SSC4D: variants seen among roughly 807,000 people sequenced by gnomAD.
SSC4D encodes scavenger receptor cysteine-rich domain-containing group B protein.
In SSC4D, 57 loss-of-function variants were observed where a neutral mutation model predicts 63.4. The observed-to-expected ratio is 0.90, with a 90% CI of 0.73 to 1.12. The LOEUF (loss-of-function observed/expected upper bound fraction) is 1.12. Ranked by LOEUF, SSC4D falls within the 50% of genes most tolerant of loss-of-function variation. The pLI is 0.00. For missense variants in SSC4D, 791 were observed against 806.4 expected (o/e 0.98, Z 0.23); for synonymous variants, 352 against 345.4 (o/e 1.02, Z -0.21).
chr7:76,394,471 C>T (rs1275009235), intron 7 of SSC4D, among the ~76,000 whole-genome samples: 2 of 151,100 alleles, frequency 1.3e-5, no homozygotes, highest in South Asian at 4.2e-4. Context: ...GGTGCAGTGG[C>T]GCAATCTCAG....
chr7:76,397,440 C>T (rs1326592143), intron 6 of SSC4D, 78 bp downstream of exon 6: 1 of 1,425,912 alleles, frequency 7.0e-7, no homozygotes, highest in African/African-American at 1.5e-5. Context: ...ACCTCCCCAC[C>T]GAAGCCTCCT....
chr7:76,406,753 T>C (rs1226190412), intron 1 of SSC4D, among the ~76,000 whole-genome samples: 2 of 151,832 alleles, frequency 1.3e-5, no homozygotes, highest in African/African-American at 4.8e-5. Flanking sequence ...TCTTGCACTT[T>C]TTTTGTTTTT....
rs749525908 is a variant in SSC4D at position 76,390,340 on chromosome 7, C to G, written c.1447G>C (p.Glu483Gln). 1.2e-6 allele frequency: 2 copies of G among 1,605,594 alleles called. No individual in the cohort carries two copies. The highest frequency in any genetic ancestry group is 1.7e-6 in the Non-Finnish European group (2 of 1,175,186). The change falls in exon 11 of 11, where the codon GAG becomes CAG. Residue 483 changes from glutamate to glutamine, a missense_variant. Glu to Gln is a conservative substitution (Grantham distance 29). Coordinates refer to ENST00000275560, the MANE Select transcript of SSC4D (RefSeq NM_080744.2). ...CCTAGGTAGAGCTCTACACGTCCCT[C>G]GCATCGGTGGGCTCCATTGACCAGA... ...LRLVNGAHRCEGRVELYLGQR... is the reference protein window; with the variant it reads ...LRLVNGAHRCQGRVELYLGQR...
chr7:76,389,477 A>T lies in SSC4D; in HGVS notation c.*582T>A, dbSNP rs191180610. The stretch of plus-strand genomic sequence containing the variant: ...AGAGATGCTGGTTCCAGCTGCAGGG[A>T]GGGGCCACTGTCCCTGCTTTGGCCC... On this transcript the variant is annotated 3_prime_UTR_variant, in exon 11 of 11. Transcript: ENST00000275560. 1 of 153,090 alleles carries T rather than the reference A, an allele frequency of 6.5e-6. No individual in the cohort carries two copies. The highest frequency in any genetic ancestry group is 1.9e-4 in the East Asian group (1 of 5,166). The allele number at this position is 153,090 out of a possible 1,614,324, so 9.5% of individuals were successfully genotyped here.
chr7:76,390,574 T>C (rs1804474513), intron 10 of SSC4D, among the ~76,000 whole-genome samples, 199 bp from the exon 11 acceptor site: 1 of 152,174 alleles, frequency 6.6e-6, no homozygotes, highest in African/African-American at 2.4e-5. Flanking sequence ...TTCCAGCACT[T>C]TGGGAGGCCG....
In SSC4D at chr7:76,400,377, G is replaced by A. The variant is rs768861095; in HGVS notation, c.384C>T (p.Arg128=). The A allele has an allele frequency of 2.1e-5, 33 of 1,591,146 alleles. No individual in the cohort carries two copies. The highest frequency in any genetic ancestry group is 1.2e-4 in the South Asian group (11 of 89,934). ...GPILLDNVEC[R]GQEAALSECG... ...ACTCGCTCAGCGCAGCTTCCTGCCC[G>A]CGGCACTCCACGTTGTCCAGCAGGA... is the stretch of plus-strand genomic sequence containing the variant. The change falls in exon 4 of 11, where the codon CGC becomes CGT. Residue 128 remains arginine (R), a synonymous_variant. Transcript: ENST00000275560.
At chr7:76,401,537 C>T (rs1804829236) in intron 2 of SSC4D, among the ~76,000 whole-genome samples, 2 of 152,170 alleles carry the variant, frequency 1.3e-5, no homozygotes, top group African/African-American at 2.4e-5. Context: ...CTGCCTCAGC[C>T]TCCCGAGTAG....
At chr7:76,402,175 C>A (rs1804853128) in intron 2 of SSC4D, among the ~76,000 whole-genome samples, 2 of 146,238 alleles carry the variant, frequency 1.4e-5, no homozygotes, top group South Asian at 4.5e-4. Flanking sequence ...TGCCACCCTG[C>A]CCAGCTATTT....
intron 5 of SSC4D, 59 bp from the exon 6 acceptor site, chr7:76,397,891 C>A: frequency 2.8e-6 from 4 of 1,441,900 alleles, no homozygotes; most frequent in Non-Finnish European, 3.7e-6. Context: ...CCCGTCCGCA[C>A]CGCAAGGGCA....
At chr7:76,395,351 G>T in intron 6 of SSC4D, 21 bp from the exon 7 acceptor site, 1 of 1,612,592 alleles carries the variant, frequency 6.2e-7, no homozygotes, top group Non-Finnish European at 8.5e-7. Flanking sequence ...AGAGAAGGGG[G>T]CAGGGTCAGA....
At position 76,404,482 on chromosome 7, in the gene SSC4D, A is replaced by G. The variant is rs1804935355; in HGVS notation, c.-43T>C. On this transcript the variant is annotated 5_prime_UTR_variant, in exon 2 of 11. Coordinates refer to ENST00000275560, the MANE Select transcript of SSC4D (RefSeq NM_080744.2). ...TTTCAGATGCTCCCATCAAGGCGCC[A>G]GGGAGAAGTCACAGTTGGAACATCT... 2 of 1,613,482 alleles carry G rather than the reference A, an allele frequency of 1.2e-6. No homozygotes were observed. Among genetic ancestry groups the G allele is most frequent in the African/African-American group, 1.3e-5 (1 of 74,886 alleles).
At position 76,393,840 on chromosome 7, in the gene SSC4D, C is replaced by A. The variant is rs762717778; in HGVS notation, c.1011G>T (p.Ala337=). ...TALLTTAAWA[A]GKKSGRLRLV... ...GGCACCGCCACTTACTTTTCTTCCC[C>A]GCGGCCCAGGCGGCGGTGGTGAGCA... Residue 337 remains alanine (A), a synonymous_variant, in exon 8 of 11, where the codon GCG becomes GCT. Transcript: ENST00000275560. 78 of 1,599,670 alleles carry A rather than the reference C, an allele frequency of 4.9e-5. No homozygotes were observed. Among genetic ancestry groups the A allele is most frequent in the Non-Finnish European group, 6.1e-5 (71 of 1,172,462 alleles).
chr7:76,396,577 G>A (rs1804646059), intron 6 of SSC4D, among the ~76,000 whole-genome samples: 1 of 152,174 alleles, frequency 6.6e-6, no homozygotes, highest in Non-Finnish European at 1.5e-5. Flanking sequence ...ATTCTTTGCT[G>A]AGGGAAGCCA....
Position 76,397,501 on chromosome 7 carries a change from G to A in SSC4D, c.868+17C>T. On this transcript the variant is annotated intron_variant, in intron 6 of 10. Transcript: ENST00000275560. ...CCCACCTGCCCCGGCCCCGCCCATC[G>A]CCCCTAGAGCCCGCACCTGCGCAGA... 1 of 1,465,232 alleles carries A rather than the reference G, an allele frequency of 6.8e-7. No individual in the cohort carries two copies. The highest frequency in any genetic ancestry group is 9.0e-7 in the Non-Finnish European group (1 of 1,109,842). 90.8% of individuals were successfully genotyped at this position (1,465,232 alleles called of 1,614,324 possible).
chr7:76,407,283 C>T (rs900956064), intron 1 of SSC4D, among the ~76,000 whole-genome samples: 1 of 151,854 alleles, frequency 6.6e-6, no homozygotes. Context: ...AACTCTAGGC[C>T]AAGTGTGGCA....
chr7:76,395,229 C>T (rs760068697), intron 7 of SSC4D, 24 bp downstream of exon 7: 9 of 1,613,166 alleles, frequency 5.6e-6, no homozygotes, highest in Admixed American at 5.0e-5. Context: ...CTACCATTCC[C>T]GCCTGGAGGG....
intron 5 of SSC4D, 49 bp downstream of exon 5, chr7:76,398,671 G>C (rs1349335219): frequency 2.5e-6 from 4 of 1,583,346 alleles, no homozygotes; most frequent in Non-Finnish European, 3.5e-6. Context: ...TAGGGTGTGA[G>C]AGACTCCTCT....
intron 2 of SSC4D, among the ~76,000 whole-genome samples, chr7:76,401,559 G>A (rs895287868): frequency 3.3e-5 from 5 of 152,064 alleles, no homozygotes; most frequent in African/African-American, 7.2e-5. Context: ...TGGGATTACA[G>A]GTGCACACCA....
In SSC4D at chr7:76,397,785, GGCCC is replaced by G. The variant is rs755592766; in HGVS notation, c.597_600del (p.Gln199HisfsTer221). 6.2e-7 allele frequency: 1 copy of G among 1,609,538 alleles called. No homozygotes were observed. Among genetic ancestry groups the G allele is most frequent in the Non-Finnish European group, 8.5e-7 (1 of 1,177,508 alleles). On this transcript the variant is annotated frameshift_variant, in exon 6 of 11. Transcript: ENST00000275560. LOFTEE classifies it high-confidence loss of function. ...AGGCCACTGTGCAGGATCTCCACTCGGCCCTGACACAGGTTCGCGCCCCCTACCA... is the reference window on the plus strand; with the variant it reads ...AGGCCACTGTGCAGGATCTCCACTCGTGACACAGGTTCGCGCCCCCTACCA...
Sources: allele counts gnomAD v4.1 joint callset (sites outside exome capture counted in the v4.1 genomes callset), GRCh38; gene constraint gnomAD v4.1.1; transcripts MANE v1.5; gene names NCBI Gene and HGNC (gene_info 2026-07-23, HGNC 2026-07-21).